The following SUSD3 variants were observed in gnomAD, a reference collection of about 807,000 sequenced individuals.
The protein encoded by SUSD3 is sushi domain-containing protein 3.
SUSD3 carries 18 observed loss-of-function variants against 20.6 expected under a neutral mutation model. The ratio of observed to expected loss-of-function variants is 0.87; its 90% confidence interval spans 0.60 to 1.30. The LOEUF (loss-of-function observed/expected upper bound fraction) is 1.30, where lower values mean the gene tolerates loss of function less well. Ranked by LOEUF, SUSD3 falls within the 50% of genes most tolerant of loss-of-function variation. SUSD3 has a pLI of 0.00. For missense variants in SUSD3, 306 were observed against 346.9 expected (o/e 0.88, Z 0.94); for synonymous variants, 137 against 141.5 (o/e 0.97, Z 0.23).
At chr9:93,081,605 G>T (rs948235250) in intron 4 of SUSD3, among the ~76,000 whole-genome samples, 1 of 152,166 alleles carries the variant, frequency 6.6e-6, no homozygotes, top group Non-Finnish European at 1.5e-5. Context: ...AGGCACAGGA[G>T]ATGGTGGTCT....
chr9:93,073,684 T>G (rs1826003620), intron 1 of SUSD3, among the ~76,000 whole-genome samples: 1 of 152,190 alleles, frequency 6.6e-6, no homozygotes, highest in South Asian at 2.1e-4. Flanking sequence ...CTTAGCAGTT[T>G]CACTGAACGT....
chr9:93,081,512 G>A (rs765959862), intron 4 of SUSD3, among the ~76,000 whole-genome samples: 3 of 152,062 alleles, frequency 2.0e-5, no homozygotes, highest in Admixed American at 6.6e-5. Context: ...TGCCTCTCTC[G>A]CCAGGCCCAG....
chr9:93,065,437 A>G (rs1373059475), intron 1 of SUSD3, among the ~76,000 whole-genome samples: 1 of 152,176 alleles, frequency 6.6e-6, no homozygotes, highest in Non-Finnish European at 1.5e-5. Context: ...ACCCTCGCCA[A>G]CCTCTCCTCC....
At chr9:93,061,466 G>A (rs546424506) in intron 1 of SUSD3, among the ~76,000 whole-genome samples, 1 of 152,382 alleles carries the variant, frequency 6.6e-6, no homozygotes, top group East Asian at 1.9e-4. Flanking sequence ...GGGAGTACAT[G>A]TTCCTCATTT....
At position 93,079,647 on chromosome 9, in the gene SUSD3, C is replaced by G. The variant is rs768680187; in HGVS notation, c.557+45C>G. 2.5e-6 allele frequency: 4 copies of G among 1,604,584 alleles called. No individual in the cohort carries two copies. In the East Asian group the frequency reaches 6.7e-5, roughly 27 times the overall value. On this transcript the variant is annotated intron_variant, in intron 4 of 4. Transcript: ENST00000375472. Reference sequence around the variant, plus strand: ...GGGGACATGCTGGGGGACAAGGGGTCCAGCTTGGTCAGGCCCCGGGCCACC... The same window carrying G: ...GGGGACATGCTGGGGGACAAGGGGTGCAGCTTGGTCAGGCCCCGGGCCACC...
chr9:93,060,282 C>T (rs540737506), intron 1 of SUSD3, among the ~76,000 whole-genome samples: 1 of 152,254 alleles, frequency 6.6e-6, no homozygotes, highest in African/African-American at 2.4e-5. Context: ...AGGATCCCCC[C>T]TGTGACCTGG....
rs752076564 is a variant in SUSD3 at position 93,075,835 on chromosome 9, G to A, written c.140G>A (p.Arg47His). 3.2e-5 allele frequency: 52 copies of A among 1,608,584 alleles called. No homozygotes were observed. In the East Asian group the frequency reaches 6.9e-4, roughly 21 times the overall value. ...LPPQATFQVLRGNGASVGTVL... is the reference protein window; with the variant it reads ...LPPQATFQVLHGNGASVGTVL... ...CCGCAAGCAACCTTCCAAGTCCTTC[G>A]TGGCAATGGTGCTTCCGTGGGGACC... is the stretch of plus-strand genomic sequence containing the variant. Residue 47 changes from arginine to histidine, a missense_variant, in exon 2 of 5, where the codon CGT becomes CAT. Arg to His is a conservative substitution (Grantham distance 29). Transcript: ENST00000375472.
intron 1 of SUSD3, chr9:93,069,108 C>T (rs1333717722): frequency 1.4e-6 from 1 of 702,602 alleles, no homozygotes; most frequent in East Asian, 2.7e-5. Flanking sequence ...AGATGAAAAA[C>T]ATAGGCCTTG....
intron 1 of SUSD3, 24 bp downstream of exon 1, chr9:93,058,854 G>T: frequency 8.1e-7 from 1 of 1,234,928 alleles, no homozygotes; most frequent in Non-Finnish European, 1.0e-6. Flanking sequence ...CCGAGTGGCC[G>T]CGTGCGGGGC....
At chr9:93,061,287 G>C (rs1262411448) in intron 1 of SUSD3, among the ~76,000 whole-genome samples, 2 of 152,236 alleles carry the variant, frequency 1.3e-5, no homozygotes, top group Non-Finnish European at 2.9e-5. Context: ...ACTGGACTGT[G>C]TCCATTTTAC....
chr9:93,061,701 G>A (rs1433299946), intron 1 of SUSD3, among the ~76,000 whole-genome samples: 1 of 152,220 alleles, frequency 6.6e-6, no homozygotes, highest in Non-Finnish European at 1.5e-5. Flanking sequence ...CACTGCCAGG[G>A]TCTTGGGGGT....
rs1048010213 is a variant in SUSD3, at chr9:93,084,860, A to C, written c.*113A>C. On this transcript the variant is annotated 3_prime_UTR_variant, in exon 5 of 5. Coordinates refer to ENST00000375472, the MANE Select transcript of SUSD3 (RefSeq NM_145006.4). ...ACATGCGCCCAGCTCGAGACTGATG[A>C]GTGGAATCAGCTTCCAGGTGTAGGG... 2.3e-5 allele frequency: 23 copies of C among 995,362 alleles called. No individual in the cohort carries two copies. The highest frequency in any genetic ancestry group is 3.7e-5 in the Admixed American group (1 of 27,224). The allele number at this position is 995,362 out of a possible 1,614,324, so 61.7% of individuals were successfully genotyped here.
At position 93,073,467 on chromosome 9, in the gene SUSD3, C is replaced by T. The variant is rs557696767; in HGVS notation, c.89-2317C>T. Among the ~76,000 whole-genome samples, 50 of 152,218 alleles carry T rather than the reference C, an allele frequency of 3.3e-4. No individual in the cohort carries two copies. In the South Asian group the frequency reaches 9.1e-3, roughly 28 times the overall value. On this transcript the variant is annotated intron_variant, in intron 1 of 4. Transcript: ENST00000375472. The stretch of plus-strand genomic sequence containing the variant: ...GTTTCACCGTGTTAGCCAGGATGGT[C>T]TCAATCTCCTGCCCTCGTGATCCGC...
At chr9:93,079,421 C>G (rs1826310482) in intron 3 of SUSD3, 50 bp from the exon 4 acceptor site, 1 of 1,598,676 alleles carries the variant, frequency 6.3e-7, no homozygotes, top group East Asian at 2.2e-5. Context: ...CCACCACCGT[C>G]AGGGATACAC....
intron 1 of SUSD3, among the ~76,000 whole-genome samples, chr9:93,073,778 T>C (rs964668603): frequency 1.3e-5 from 2 of 152,146 alleles, no homozygotes; most frequent in African/African-American, 4.8e-5. Flanking sequence ...TTCACTGCTG[T>C]GAAAAGTAAC....
At chr9:93,077,111 T>C (rs543558283) in intron 2 of SUSD3, among the ~76,000 whole-genome samples, 3 of 152,316 alleles carry the variant, frequency 2.0e-5, no homozygotes, top group African/African-American at 7.2e-5. Flanking sequence ...GAGTAAACGG[T>C]GTTGCTCAAA....
At chr9:93,072,476 G>A (rs983610785) in intron 1 of SUSD3, among the ~76,000 whole-genome samples, 1 of 152,214 alleles carries the variant, frequency 6.6e-6, no homozygotes, top group African/African-American at 2.4e-5. Context: ...ACTTTTGCCA[G>A]ATCCCAGACC....
intron 2 of SUSD3, among the ~76,000 whole-genome samples, chr9:93,077,559 C>T (rs1826217097): frequency 6.6e-6 from 1 of 152,126 alleles, no homozygotes; most frequent in Non-Finnish European, 1.5e-5. Flanking sequence ...CTTAAATACC[C>T]CCTTTAAATA....
At chr9:93,082,803 A>T (rs1340020438) in intron 4 of SUSD3, among the ~76,000 whole-genome samples, 1 of 152,108 alleles carries the variant, frequency 6.6e-6, no homozygotes, top group Non-Finnish European at 1.5e-5. Flanking sequence ...GGAATGGGGG[A>T]AGGAACAATT....
Sources: gnomAD v4.1 joint callset for allele counts (sites outside exome capture counted in the v4.1 genomes callset) on GRCh38, gnomAD v4.1.1 for gene constraint, MANE v1.5 for transcripts, NCBI Gene and HGNC (gene_info 2026-07-23, HGNC 2026-07-21) for gene names.